MCF2L2: variants seen among roughly 807,000 people sequenced by gnomAD.
MCF2L2 encodes the protein probable guanine nucleotide exchange factor MCF2L2.
A neutral mutation model predicts 150.2 loss-of-function variants in MCF2L2; 102 were observed. That is an observed-to-expected ratio of 0.68 (90% CI 0.58 to 0.80). MCF2L2 has a LOEUF of 0.80. Ranked by LOEUF, MCF2L2 falls within the 30% of genes least tolerant of loss-of-function variation. The pLI is 0.00. For synonymous variants in MCF2L2, 465 were observed against 491.3 expected, an observed-to-expected ratio of 0.95 and a Z score of 0.71; for missense variants, 1,256 against 1,372.8, an observed-to-expected ratio of 0.91 and a Z score of 1.34.
intron 6 of MCF2L2, 57 bp downstream of exon 6, chr3:183,323,178 C>T (rs1729882594): frequency 3.9e-6 from 5 of 1,267,004 alleles, no homozygotes; most frequent in South Asian, 2.7e-5. Context: ...ACTCCCCCAC[C>T]CCATCTTCCA....
intron 3 of MCF2L2, among the ~76,000 whole-genome samples, chr3:183,355,540 G>A (rs184107904): frequency 5.3e-5 from 8 of 150,424 alleles, no homozygotes; most frequent in Admixed American, 3.3e-4. Flanking sequence ...TCCGCCTCCC[G>A]GGTTCACACC....
chr3:183,274,468 G>A (rs1389022826), intron 15 of MCF2L2, among the ~76,000 whole-genome samples: 1 of 152,154 alleles, frequency 6.6e-6, no homozygotes, highest in Non-Finnish European at 1.5e-5. Flanking sequence ...TGCATGTAAT[G>A]TGCTCTCATC....
intron 22 of MCF2L2, among the ~76,000 whole-genome samples, chr3:183,213,931 A>T (rs1722823817): frequency 2.6e-5 from 4 of 152,260 alleles, no homozygotes; most frequent in Admixed American, 2.6e-4. Flanking sequence ...AGCATCTGGC[A>T]GAGGCACAAT....
chr3:183,383,843 G>A (rs1713677005), intron 2 of MCF2L2, among the ~76,000 whole-genome samples: 1 of 152,104 alleles, frequency 6.6e-6, no homozygotes. Flanking sequence ...TGGGCATATA[G>A]CTACACTACA....
chr3:183,239,576 A>ACC (rs143520154), intron 15 of MCF2L2, among the ~76,000 whole-genome samples: 3 of 109,196 alleles, frequency 2.7e-5, no homozygotes, highest in African/African-American at 1.0e-4. Flanking sequence ...TGCCCCTGTC[A>ACC]CCCCCCCTTC....
At chr3:183,203,314 TTAAAGGAAATCATATATAAAGAC>T (rs1490956767) in intron 25 of MCF2L2, among the ~76,000 whole-genome samples, 1 of 152,098 alleles carries the variant, frequency 6.6e-6, no homozygotes, top group African/African-American at 2.4e-5. Flanking sequence ...GTTCAAAAAG[TTAAAGGAAATCATATATAAAGAC>T]TAAAGGAAAG....
At chr3:183,217,223 G>A (rs1228621683) in intron 21 of MCF2L2, among the ~76,000 whole-genome samples, 4 of 150,566 alleles carry the variant, frequency 2.7e-5, no homozygotes, top group Non-Finnish European at 5.9e-5. Context: ...GAACCCAGGA[G>A]GCGGAGGTTG....
rs766934598 is a variant in MCF2L2 at position 183,270,383 on chromosome 3, C to T, written c.1862+6489G>A. 23 of 1,614,190 alleles carry T rather than the reference C, an allele frequency of 1.4e-5. 1 individual carries two copies. In the South Asian group the frequency reaches 2.2e-4, roughly 15 times the overall value. On this transcript the variant is annotated intron_variant, in intron 15 of 29. Transcript: ENST00000328913. The surrounding 1 kb of genome is among the most constrained non-coding windows in gnomAD (Gnocchi z 4.5). ...AATTTCTTATGACTGCTGATGATGA[C>T]ATATTTATTCACATGCCAAATCTGA... is the stretch of plus-strand genomic sequence containing the variant.
chr3:183,297,161 G>A lies in MCF2L2; in HGVS notation c.1312C>T (p.Gln438Ter), dbSNP rs769037946. The part of the protein sequence containing the change: ...EFHRQLDKVS[Q>*]WCEAGIYLLA... ...AGGTAGATTCCTGCCTCACACCATT[G>A]GCTGACCTTTTGGAAAGAAACAGTG... Residue 438 changes from glutamine (Q) to a stop codon, truncating the protein, a stop_gained, in exon 12 of 30, where the codon CAA (glutamine) becomes TAA (stop). Coordinates refer to ENST00000328913, the MANE Select transcript of MCF2L2 (RefSeq NM_015078.4). LOFTEE classifies it high-confidence loss of function. The A allele has an allele frequency of 3.7e-6, 6 of 1,613,630 alleles. No individual in the cohort carries two copies. Among genetic ancestry groups the A allele is most frequent in the Non-Finnish European group, 5.1e-6 (6 of 1,179,854 alleles).
At chr3:183,202,967 G>C (rs887358453) in intron 25 of MCF2L2, among the ~76,000 whole-genome samples, 3 of 152,224 alleles carry the variant, frequency 2.0e-5, no homozygotes, top group Admixed American at 6.5e-5. Context: ...CCAGCACTTT[G>C]GGAGGCCAAG....
intron 3 of MCF2L2, among the ~76,000 whole-genome samples, chr3:183,346,591 T>C (rs1456505278): frequency 6.6e-6 from 1 of 152,132 alleles, no homozygotes; most frequent in Non-Finnish European, 1.5e-5. Context: ...AAATAAAGGG[T>C]ATTCAAATCG....
rs561653602 is a variant in MCF2L2 at position 183,387,493 on chromosome 3, T to C, written c.160+2203A>G. 2.6e-5 allele frequency among the ~76,000 whole-genome samples: 4 copies of C among 152,290 alleles called. No individual in the cohort carries two copies. The South Asian group carries it at 8.3e-4, about 32-fold the overall frequency. On this transcript the variant is annotated intron_variant, in intron 2 of 29. Coordinates refer to ENST00000328913, the MANE Select transcript of MCF2L2 (RefSeq NM_015078.4). ...TACCATATTTATTGTGAGCATGACA[T>C]TGGTTCCTTATAAAAATTATCTTAC... is the stretch of plus-strand genomic sequence containing the variant.
At chr3:183,352,913 A>AAATCTACTCTTTAGATAAAGGT (rs1384393265) in intron 3 of MCF2L2, among the ~76,000 whole-genome samples, 2 of 152,346 alleles carry the variant, frequency 1.3e-5, no homozygotes, top group East Asian at 3.8e-4. Flanking sequence ...ATTTGTAGGC[A>AAATCTACTCTTTAGATAAAGGT]AAATCTACTC....
intron 15 of MCF2L2, among the ~76,000 whole-genome samples, chr3:183,264,972 T>C (rs1299284548): frequency 6.6e-6 from 1 of 152,242 alleles, no homozygotes; most frequent in African/African-American, 2.4e-5. Context: ...TAAGAATACC[T>C]GTCCCTTCTT....
intron 26 of MCF2L2, among the ~76,000 whole-genome samples, chr3:183,193,337 A>C (rs1397853737): frequency 2.1e-5 from 3 of 145,014 alleles, no homozygotes; most frequent in Non-Finnish European, 3.0e-5. Context: ...TTGGCTGCAA[A>C]TCTTTTTTTC....
chr3:183,374,152 C>T (rs138937076), intron 3 of MCF2L2: 81 of 152,972 alleles, frequency 5.3e-4, no homozygotes, highest in Non-Finnish European at 8.9e-4. Flanking sequence ...CCTCACTCTG[C>T]TCCTCAAACC....
At position 183,419,545 on chromosome 3, in the gene MCF2L2, G is replaced by A. The variant is rs145288554; in HGVS notation, c.76+8357C>T. Among the ~76,000 whole-genome samples the A allele has an allele frequency of 6.4e-3, 982 of 152,276 alleles. 5 individuals carry two copies. Among genetic ancestry groups the A allele is most frequent in the Non-Finnish European group, 0.011 (726 of 68,022 alleles). On this transcript the variant is annotated intron_variant, in intron 1 of 29. Coordinates refer to ENST00000328913, the MANE Select transcript of MCF2L2 (RefSeq NM_015078.4). The stretch of plus-strand genomic sequence containing the variant: ...AATTTCAAACCATCTCTTTGTGAAT[G>A]CATATAACTGAACACTTTCAGAATA...
intron 13 of MCF2L2, among the ~76,000 whole-genome samples, chr3:183,294,108 C>T (rs1728320832): frequency 6.6e-6 from 1 of 152,018 alleles, no homozygotes. Context: ...CCTAAAATAG[C>T]CAAAACAACC....
chr3:183,248,792 G>A (rs997341330), intron 15 of MCF2L2, among the ~76,000 whole-genome samples: 4 of 152,108 alleles, frequency 2.6e-5, no homozygotes, highest in East Asian at 1.9e-4. Flanking sequence ...AGCAGTGACC[G>A]GCCATTGTAT....
Sources: allele counts gnomAD v4.1 joint callset (sites outside exome capture counted in the v4.1 genomes callset), GRCh38; gene constraint gnomAD v4.1.1; non-coding constraint Gnocchi (gnomAD v3.1); transcripts MANE v1.5; gene names NCBI Gene and HGNC (gene_info 2026-07-23, HGNC 2026-07-21).